Variants in CACNB4 observed in about 807,000 individuals in gnomAD.
CACNB4 encodes voltage-dependent L-type calcium channel subunit beta-4.
CACNB4 carries 32 observed loss-of-function variants against 71.2 expected under a neutral mutation model. The observed-to-expected ratio is 0.45, with a 90% CI of 0.34 to 0.60. CACNB4 has a LOEUF of 0.60. Among genes scored for constraint, CACNB4 ranks in the 20% least tolerant of loss-of-function variants. The pLI, the probability that CACNB4 is intolerant of heterozygous loss-of-function variation, is 0.01. For missense variants in CACNB4, 464 were observed against 647.9 expected (o/e 0.72, Z 3.08); for synonymous variants, 231 against 236.9 (o/e 0.97, Z 0.23).
At chr2:152,057,682 C>T (rs1685794083) in intron 2 of CACNB4, among the ~76,000 whole-genome samples, 1 of 152,168 alleles carries the variant, frequency 6.6e-6, no homozygotes, top group Non-Finnish European at 1.5e-5. Flanking sequence ...TACATACACA[C>T]ATGCACACAC....
At chr2:152,040,932 A>G (rs1684839590) in intron 2 of CACNB4, among the ~76,000 whole-genome samples, 1 of 152,222 alleles carries the variant, frequency 6.6e-6, no homozygotes, top group Admixed American at 6.5e-5. Flanking sequence ...AAATGTCCAC[A>G]TAAACAAAAT....
chr2:152,012,191 G>A (rs908223737), intron 2 of CACNB4, among the ~76,000 whole-genome samples: 7 of 152,014 alleles, frequency 4.6e-5, no homozygotes, highest in Non-Finnish European at 1.5e-5. Flanking sequence ...GCAGATGACA[G>A]CTCCATGTGG....
intron 2 of CACNB4, among the ~76,000 whole-genome samples, chr2:151,938,803 T>C (rs76542087): frequency 0.018 from 2,786 of 152,298 alleles, 98 homozygotes; most frequent in African/African-American, 0.062. Flanking sequence ...GATGGTAACA[T>C]AGTTGCAAAC....
At chr2:151,942,017 C>T (rs767138236) in intron 2 of CACNB4, among the ~76,000 whole-genome samples, 4 of 152,246 alleles carry the variant, frequency 2.6e-5, no homozygotes, top group Admixed American at 6.5e-5. Flanking sequence ...TTTCAATGCT[C>T]TTCTTTTCTA....
chr2:151,977,526 T>G (rs1462024452), intron 2 of CACNB4, among the ~76,000 whole-genome samples: 1 of 152,180 alleles, frequency 6.6e-6, no homozygotes, highest in Non-Finnish European at 1.5e-5. Context: ...TATCATAGAG[T>G]GAACCCATGA....
At chr2:151,979,198 G>C (rs1352516009) in intron 2 of CACNB4, among the ~76,000 whole-genome samples, 1 of 152,174 alleles carries the variant, frequency 6.6e-6, no homozygotes, top group Non-Finnish European at 1.5e-5. Context: ...GAACAGCAGA[G>C]AGAAACAAGC....
Position 151,989,843 on chromosome 2 carries a change from C to T in CACNB4, c.148-106473G>A, listed in dbSNP as rs150466908. On this transcript the variant is annotated intron_variant, in intron 2 of 13. Transcript: ENST00000539935. Reference sequence around the variant, plus strand: ...GTCCTTATATTCTAAAACAGAGTGACTACCCACCCAGTTGTCCAATTTGGA... The same window carrying T: ...GTCCTTATATTCTAAAACAGAGTGATTACCCACCCAGTTGTCCAATTTGGA... 5.7e-4 allele frequency among the ~76,000 whole-genome samples: 87 copies of T among 152,310 alleles called. 3 individuals carry two copies. In the East Asian group the frequency reaches 0.016, roughly 28 times the overall value.
intron 2 of CACNB4, among the ~76,000 whole-genome samples, chr2:152,093,591 G>A (rs1333381937): frequency 6.6e-6 from 1 of 152,194 alleles, no homozygotes; most frequent in Non-Finnish European, 1.5e-5. Flanking sequence ...GGTCTTAGGA[G>A]AGCTGTGGCT....
intron 2 of CACNB4, among the ~76,000 whole-genome samples, chr2:151,965,700 T>C (rs1029446633): frequency 1.3e-5 from 2 of 151,540 alleles, no homozygotes; most frequent in East Asian, 1.9e-4. Flanking sequence ...TAGTAAGAGT[T>C]AGGAGAAATT....
chr2:152,019,413 G>A (rs1683532112), intron 2 of CACNB4, among the ~76,000 whole-genome samples: 1 of 152,140 alleles, frequency 6.6e-6, no homozygotes. Flanking sequence ...GCAAAATGAA[G>A]GGAAATTATT....
chr2:151,998,082 G>T (rs1417290516), intron 2 of CACNB4, among the ~76,000 whole-genome samples: 1 of 152,140 alleles, frequency 6.6e-6, no homozygotes, highest in Non-Finnish European at 1.5e-5. Flanking sequence ...CAGCACTTTG[G>T]GAGGCCAAGG....
At chr2:151,937,770 T>C (rs1489223465) in intron 2 of CACNB4, among the ~76,000 whole-genome samples, 1 of 152,168 alleles carries the variant, frequency 6.6e-6, no homozygotes, top group Non-Finnish European at 1.5e-5. Flanking sequence ...ACCAATGTAA[T>C]GGTCAAATTC....
At chr2:152,097,998 T>C (rs1688365712) in intron 2 of CACNB4, among the ~76,000 whole-genome samples, 1 of 152,180 alleles carries the variant, frequency 6.6e-6, no homozygotes. Flanking sequence ...TTATACGAAT[T>C]AAAGACATTT....
chr2:151,854,993 T>G, intron 11 of CACNB4: 1 of 362,854 alleles, frequency 2.8e-6, no homozygotes, highest in East Asian at 4.0e-5. Flanking sequence ...TATTATACAC[T>G]TGCATAACTG....
chr2:152,088,405 A>T (rs910946088), intron 2 of CACNB4, among the ~76,000 whole-genome samples: 3 of 152,240 alleles, frequency 2.0e-5, no homozygotes, highest in African/African-American at 7.2e-5. Context: ...CTGCTAAAAA[A>T]ATTTTCCATA....
intron 2 of CACNB4, among the ~76,000 whole-genome samples, chr2:152,095,113 T>C (rs1434869591): frequency 6.6e-6 from 1 of 152,220 alleles, no homozygotes; most frequent in African/African-American, 2.4e-5. Context: ...AGAAGCCATT[T>C]ATTTGCTCCC....
intron 2 of CACNB4, among the ~76,000 whole-genome samples, chr2:152,008,206 C>G (rs900129188): frequency 6.6e-6 from 1 of 151,718 alleles, no homozygotes; most frequent in African/African-American, 2.4e-5. Context: ...TTTTTTAAGC[C>G]ATCACAGTGG....
intron 2 of CACNB4, among the ~76,000 whole-genome samples, chr2:151,978,623 T>C (rs1244986880): frequency 6.6e-6 from 1 of 152,178 alleles, no homozygotes; most frequent in Non-Finnish European, 1.5e-5. Flanking sequence ...TAATAAAACG[T>C]TCGGATGGGT....
At chr2:151,961,347 GCC>G (rs2099869596) in intron 2 of CACNB4, among the ~76,000 whole-genome samples, 1 of 152,202 alleles carries the variant, frequency 6.6e-6, no homozygotes, top group Admixed American at 6.5e-5. Flanking sequence ...AGTCATGGAA[GCC>G]CTCTTAGCTT....
Sources: allele counts gnomAD v4.1 joint callset (sites outside exome capture counted in the v4.1 genomes callset), GRCh38; gene constraint gnomAD v4.1.1; transcripts MANE v1.5; gene names NCBI Gene and HGNC (gene_info 2026-07-23, HGNC 2026-07-21).